The following STXBP4 variants were observed in gnomAD, a reference collection of about 807,000 sequenced individuals.
The protein encoded by STXBP4 is syntaxin-binding protein 4.
A neutral mutation model predicts 76.1 loss-of-function variants in STXBP4; 55 were observed. The observed-to-expected ratio is 0.72, with a 90% CI of 0.58 to 0.91. The LOEUF is 0.91. Among genes scored for constraint, STXBP4 ranks in the 40% least tolerant of loss-of-function variants. STXBP4 has a pLI of 0.00. For missense variants in STXBP4, 618 were observed against 636.9 expected, an observed-to-expected ratio of 0.97 and a Z score of 0.32; for synonymous variants, 201 against 220.2, an observed-to-expected ratio of 0.91 and a Z score of 0.77.
the STXBP4 span, among the ~76,000 whole-genome samples, chr17:55,206,436 C>T: frequency 1.3e-5 from 2 of 152,288 alleles, no homozygotes; most frequent in Admixed American, 6.5e-5. Context: ...CTCTTGCCAG[C>T]ACAGGCCTAA....
intron 12 of STXBP4, among the ~76,000 whole-genome samples, chr17:55,049,880 A>T (rs1203461771): frequency 1.3e-5 from 2 of 152,118 alleles, no homozygotes; most frequent in Non-Finnish European, 2.9e-5. Context: ...ACTATTCTAG[A>T]TAAAAGGACC....
the STXBP4 span, among the ~76,000 whole-genome samples, chr17:55,180,062 G>C: frequency 5.9e-5 from 9 of 152,264 alleles, no homozygotes; most frequent in African/African-American, 1.9e-4. Flanking sequence ...AGCTGAGCTT[G>C]ACATGAAGCC....
chr17:55,132,101 A>G (rs1272275286), intron 16 of STXBP4, among the ~76,000 whole-genome samples: 1 of 152,210 alleles, frequency 6.6e-6, no homozygotes. Flanking sequence ...CATCTCTGTA[A>G]CCCATAAGGA....
At chr17:55,192,278 A>G in the STXBP4 span, among the ~76,000 whole-genome samples, 923 of 152,326 alleles carry the variant, frequency 6.1e-3, 8 homozygotes, top group African/African-American at 0.021. Flanking sequence ...ACTACATCCC[A>G]GAAGTAAATA....
At chr17:55,182,119 G>A in the STXBP4 span, among the ~76,000 whole-genome samples, 1 of 151,396 alleles carries the variant, frequency 6.6e-6, no homozygotes, top group Admixed American at 6.6e-5. Context: ...TATCCAGCAG[G>A]TGGTAAAAAG....
rs572707112 is a variant in STXBP4 at position 55,160,894 on chromosome 17, G to C, written c.*983G>C. On this transcript the variant is annotated 3_prime_UTR_variant, in exon 18 of 18. Transcript: ENST00000376352. Reference sequence around the variant, plus strand: ...AGCTCGTGTTTTTCTAAAGTGAAAGGCATGGTTTGTCCTGCTTAGGTTGCC... The same window carrying C: ...AGCTCGTGTTTTTCTAAAGTGAAAGCCATGGTTTGTCCTGCTTAGGTTGCC... 12 of 152,388 alleles carry C rather than the reference G, an allele frequency of 7.9e-5. No homozygotes were observed. Among genetic ancestry groups the C allele is most frequent in the African/African-American group, 2.4e-4 (10 of 41,578 alleles). 9.4% of individuals were successfully genotyped at this position (152,388 alleles called of 1,614,324 possible).
intron 8 of STXBP4, among the ~76,000 whole-genome samples, chr17:55,008,680 G>A (rs1204277612): frequency 6.6e-6 from 1 of 152,120 alleles, no homozygotes; most frequent in Non-Finnish European, 1.5e-5. Context: ...AGCATAGCAA[G>A]GCCTGTTTGT....
chr17:55,139,383 G>A (rs531592872), intron 16 of STXBP4, among the ~76,000 whole-genome samples: 28 of 152,194 alleles, frequency 1.8e-4, no homozygotes, highest in Admixed American at 5.2e-4. Flanking sequence ...TATTTAGCGG[G>A]CAAAAATTGT....
chr17:55,196,342 C>G, the STXBP4 span, among the ~76,000 whole-genome samples: 2 of 152,122 alleles, frequency 1.3e-5, no homozygotes, highest in African/African-American at 4.8e-5. Context: ...CCACACACCC[C>G]ATACTCCAGC....
chr17:55,112,132 C>A (rs1042605090), intron 16 of STXBP4, among the ~76,000 whole-genome samples: 1 of 151,852 alleles, frequency 6.6e-6, no homozygotes, highest in Non-Finnish European at 1.5e-5. Flanking sequence ...GTTGCCCAGG[C>A]TGGTCTCAAA....
intron 17 of STXBP4, among the ~76,000 whole-genome samples, chr17:55,146,973 C>T (rs1051549483): frequency 6.6e-6 from 1 of 152,188 alleles, no homozygotes; most frequent in African/African-American, 2.4e-5. Context: ...ATGTGACCAA[C>T]CCTGGTTCAG....
the STXBP4 span, among the ~76,000 whole-genome samples, chr17:55,198,332 C>T: frequency 6.6e-6 from 1 of 152,192 alleles, no homozygotes; most frequent in Non-Finnish European, 1.5e-5. Context: ...TTTTGATTTA[C>T]TTCTAAGAAG....
rs769190974 is a variant in STXBP4 at position 55,159,831 on chromosome 17, G to C, written c.1582G>C (p.Val528Leu). 6.2e-7 allele frequency: 1 copy of C among 1,613,560 alleles called. No homozygotes were observed. Among genetic ancestry groups the C allele is most frequent in the East Asian group, 2.2e-5 (1 of 44,856 alleles). The change falls in exon 18 of 18, where the codon GTG becomes CTG. Residue 528 changes from valine (V) to leucine (L), a missense_variant. Physicochemically the swap from Val to Leu is conservative, Grantham distance 32. Coordinates refer to ENST00000376352, the MANE Select transcript of STXBP4 (RefSeq NM_178509.6). The part of the protein sequence containing the change: ...VTQTTSWIHP[V>L]MSVLNLSRSE... ...ACAGACTACATCCTGGATCCATCCC[G>C]TGATGAGTGTCCTGAATCTATCTCG...
chr17:55,138,319 A>G (rs1423560322), intron 16 of STXBP4, among the ~76,000 whole-genome samples: 1 of 152,158 alleles, frequency 6.6e-6, no homozygotes, highest in African/African-American at 2.4e-5. Flanking sequence ...GCCAGATATG[A>G]CAAAGAAAAT....
At position 54,996,638 on chromosome 17, in the gene STXBP4, A is replaced by G. The variant is rs568175648; in HGVS notation, c.181-2707A>G. Among the ~76,000 whole-genome samples the G allele has an allele frequency of 9.8e-5, 15 of 152,294 alleles. 1 individual carries two copies. The highest frequency in any genetic ancestry group is 6.8e-3 in the Middle Eastern group (2 of 294). ...ATATATTTATCCCCATTCTACAGCT[A>G]AGAAAATAGAGGTTCATAAAAGCTG... On this transcript the variant is annotated intron_variant, in intron 4 of 17. Coordinates refer to ENST00000376352, the MANE Select transcript of STXBP4 (RefSeq NM_178509.6).
intron 17 of STXBP4, among the ~76,000 whole-genome samples, chr17:55,156,636 G>A (rs1004758286): frequency 3.9e-5 from 6 of 152,190 alleles, no homozygotes; most frequent in African/African-American, 1.4e-4. Context: ...GGTCTGAAAT[G>A]TGTGCTTGAA....
intron 1 of STXBP4, among the ~76,000 whole-genome samples, chr17:54,984,519 A>G (rs1598155525): frequency 6.7e-6 from 1 of 150,014 alleles, no homozygotes; most frequent in East Asian, 2.0e-4. Context: ...TTTTTTTTGT[A>G]TTTTTAGTAG....
In STXBP4 at chr17:54,999,399, AT is replaced by A. The variant is rs1299414188; in HGVS notation, c.237del (p.Ile79MetfsTer11). 6.2e-7 allele frequency: 1 copy of A among 1,613,316 alleles called. No homozygotes were observed. Among genetic ancestry groups the A allele is most frequent in the East Asian group, 2.2e-5 (1 of 44,780 alleles). ...TGTCTCAGTCAACAAGGAATCTATG[AT>A]TGGTGTATCATTTGAAGAAGCAAAA... ...QLVSVNKESM[I>X]GVSFEEAKSI... On this transcript the variant is annotated frameshift_variant, in exon 5 of 18. Transcript: ENST00000376352. LOFTEE classifies it high-confidence loss of function.
intron 12 of STXBP4, among the ~76,000 whole-genome samples, chr17:55,057,989 A>G (rs1483266665): frequency 1.3e-5 from 2 of 152,152 alleles, no homozygotes; most frequent in African/African-American, 4.8e-5. Flanking sequence ...AGTCTTTGCC[A>G]TTGTGAACAG....
Sources: gnomAD v4.1 joint callset for allele counts (sites outside exome capture counted in the v4.1 genomes callset) on GRCh38, gnomAD v4.1.1 for gene constraint, MANE v1.5 for transcripts, NCBI Gene and HGNC (gene_info 2026-07-23, HGNC 2026-07-21) for gene names.